Variants in SPATA13 observed in about 807,000 individuals in gnomAD.
The protein encoded by SPATA13 is spermatogenesis-associated protein 13.
Under a neutral mutation model 104.0 loss-of-function variants are expected in SPATA13, and 50 were observed. That is an observed-to-expected ratio of 0.48 (90% CI 0.38 to 0.61). SPATA13 has a LOEUF of 0.61. Ranked by LOEUF, SPATA13 falls within the 20% of genes least tolerant of loss-of-function variation. The pLI, the probability that SPATA13 is intolerant of heterozygous loss-of-function variation, is 0.00. For synonymous variants in SPATA13, 606 were observed against 667.5 expected (o/e 0.91, Z 1.42); for missense variants, 1,524 against 1,690.6 (o/e 0.90, Z 1.73).
rs1190819008 is a variant in SPATA13 at position 24,011,282 on chromosome 13, G to A, written c.-146-6385G>A. Reference sequence around the variant, plus strand: ...ATCCACCCTGAGCACCTGGTTCTAGGAATTTCCCTTCCTTTCATTTCTGAG... The same window carrying A: ...ATCCACCCTGAGCACCTGGTTCTAGAAATTTCCCTTCCTTTCATTTCTGAG... On this transcript the variant is annotated intron_variant, in intron 2 of 14. Coordinates refer to the SPATA13 transcript ENST00000424834. The surrounding 1 kb of genome is among the most constrained non-coding windows in gnomAD (Gnocchi z 4.3). Among the ~76,000 whole-genome samples the A allele has an allele frequency of 1.3e-5, 2 of 152,148 alleles. No homozygotes were observed. Among genetic ancestry groups the A allele is most frequent in the Admixed American group, 6.5e-5 (1 of 15,280 alleles).
At chr13:23,981,544 C>T (rs1874896484) in intron 1 of SPATA13, among the ~76,000 whole-genome samples, 1 of 152,226 alleles carries the variant, frequency 6.6e-6, no homozygotes, top group African/African-American at 2.4e-5. Flanking sequence ...GTGGTACATT[C>T]TCATTGTGAG....
At chr13:24,225,814 A>C (rs575580216) in intron 2 of SPATA13, among the ~76,000 whole-genome samples, 2 of 152,340 alleles carry the variant, frequency 1.3e-5, no homozygotes, top group South Asian at 4.1e-4. Context: ...TGAGCTGGCC[A>C]GGAATTTGTT....
At chr13:24,116,802 A>G (rs183378430) in intron 3 of SPATA13, among the ~76,000 whole-genome samples, 1 of 148,350 alleles carries the variant, frequency 6.7e-6, no homozygotes, top group African/African-American at 2.5e-5. Flanking sequence ...TGTTTGGAGA[A>G]AGGGCCTTTG....
intron 3 of SPATA13, among the ~76,000 whole-genome samples, chr13:24,028,665 C>T (rs1427594374): frequency 6.6e-6 from 1 of 152,082 alleles, no homozygotes; most frequent in Non-Finnish European, 1.5e-5. Context: ...TTCTAATTGC[C>T]TCTCTTTTAT....
At chr13:24,243,903 T>G (rs572006727) in intron 2 of SPATA13, among the ~76,000 whole-genome samples, 2 of 152,362 alleles carry the variant, frequency 1.3e-5, no homozygotes, top group South Asian at 4.1e-4. Flanking sequence ...AATTTTCTTC[T>G]GAATTACCTT....
chr13:24,059,781 G>A (rs1878713525), intron 3 of SPATA13, among the ~76,000 whole-genome samples: 1 of 152,156 alleles, frequency 6.6e-6, no homozygotes, highest in Non-Finnish European at 1.5e-5. Flanking sequence ...ATAAGATCAT[G>A]TCGTCTGCAT....
intron 3 of SPATA13, among the ~76,000 whole-genome samples, chr13:24,138,280 C>T (rs1881637050): frequency 6.7e-6 from 1 of 148,872 alleles, no homozygotes; most frequent in African/African-American, 2.5e-5. Context: ...CAGTCCAGCC[C>T]AGGGGACAGA....
chr13:24,231,210 T>G (rs1036044154), intron 2 of SPATA13, among the ~76,000 whole-genome samples: 1 of 152,182 alleles, frequency 6.6e-6, no homozygotes, highest in Non-Finnish European at 1.5e-5. Context: ...CACCACAGAC[T>G]AATTTTAGCA....
chr13:23,984,746 A>G (rs982955698), intron 2 of SPATA13, among the ~76,000 whole-genome samples: 1 of 152,246 alleles, frequency 6.6e-6, no homozygotes, highest in Non-Finnish European at 1.5e-5. Context: ...TTTCAGAAAC[A>G]GGTTCTTGTG....
Position 24,062,503 on chromosome 13 carries a change from G to A in SPATA13, c.-112+44802G>A, listed in dbSNP as rs1878806212. ...ACCAGCCCTGCCGCTCCAGGGCTCT[G>A]TGAACCTGGGTCACCTCACCTCCAT... On this transcript the variant is annotated intron_variant, in intron 3 of 14. Coordinates refer to the SPATA13 transcript ENST00000424834. Among the ~76,000 whole-genome samples the A allele has an allele frequency of 2.6e-5, 4 of 152,218 alleles. No homozygotes were observed. In the South Asian group the frequency reaches 8.3e-4, roughly 32 times the overall value.
chr13:24,300,373 T>A, intron 11 of SPATA13, 28 bp from the exon 12 acceptor site: 4 of 1,594,066 alleles, frequency 2.5e-6, no homozygotes, highest in Non-Finnish European at 3.4e-6. Context: ...GTGTTCTGAA[T>A]ATATATCACA....
rs563522708 is a variant in SPATA13, at chr13:24,278,445, AT to A, written c.2165-5681del. ...ATAACATCTTGCAATTCTATTTTTAATTTTTTTTTAATTTATAGAGATGGGT... is the reference window on the plus strand; with the variant it reads ...ATAACATCTTGCAATTCTATTTTTAATTTTTTTTAATTTATAGAGATGGGT... On this transcript the variant is annotated intron_variant, in intron 4 of 12. Transcript: ENST00000382108. Among the ~76,000 whole-genome samples the A allele has an allele frequency of 2.3e-3, 346 of 151,824 alleles. 3 individuals carry two copies. Among genetic ancestry groups the A allele is most frequent in the Non-Finnish European group, 3.4e-3 (229 of 67,904 alleles).
At chr13:24,098,306 C>G (rs544469462) in intron 3 of SPATA13, among the ~76,000 whole-genome samples, 12 of 152,092 alleles carry the variant, frequency 7.9e-5, no homozygotes, top group Non-Finnish European at 1.0e-4. Context: ...ACCTGTAATC[C>G]CAACACTTTG....
chr13:24,076,485 ATTG>A (rs1281109759), intron 3 of SPATA13, among the ~76,000 whole-genome samples: 1 of 152,116 alleles, frequency 6.6e-6, no homozygotes, highest in Non-Finnish European at 1.5e-5. Flanking sequence ...TTGCTTCTCA[ATTG>A]TTGTTTTGAT....
intron 2 of SPATA13, among the ~76,000 whole-genome samples, chr13:23,992,639 T>C (rs1460393581): frequency 1.3e-5 from 2 of 152,138 alleles, no homozygotes; most frequent in Non-Finnish European, 2.9e-5. Context: ...TTTCCGGGAC[T>C]CTCTTTAAGA....
chr13:23,989,764 T>C (rs1415827734), intron 2 of SPATA13, among the ~76,000 whole-genome samples: 1 of 152,198 alleles, frequency 6.6e-6, no homozygotes, highest in Admixed American at 6.5e-5. Context: ...AATGTGATGG[T>C]ATCAGAAGTG....
chr13:24,125,572 C>T (rs1240408977), intron 3 of SPATA13, among the ~76,000 whole-genome samples: 2 of 152,054 alleles, frequency 1.3e-5, no homozygotes, highest in Admixed American at 6.5e-5. Flanking sequence ...GTTTAAGGAG[C>T]GAGGGAGAAT....
chr13:24,219,405 T>A (rs1871447422), intron 1 of SPATA13, among the ~76,000 whole-genome samples: 1 of 152,244 alleles, frequency 6.6e-6, no homozygotes, highest in African/African-American at 2.4e-5. Context: ...ATGTGTTTTA[T>A]GAAATCTGAA....
chr13:23,990,044 C>T (rs1875339352), intron 2 of SPATA13, among the ~76,000 whole-genome samples: 1 of 152,154 alleles, frequency 6.6e-6, no homozygotes, highest in African/African-American at 2.4e-5. Flanking sequence ...TACAGCAGCC[C>T]AAACAGAGTA....
Sources: allele counts gnomAD v4.1 joint callset (sites outside exome capture counted in the v4.1 genomes callset), GRCh38; gene constraint gnomAD v4.1.1; non-coding constraint Gnocchi (gnomAD v3.1); transcripts MANE v1.5; gene names NCBI Gene and HGNC (gene_info 2026-07-23, HGNC 2026-07-21).